TMEM182: variants seen among roughly 807,000 people sequenced by gnomAD.
TMEM182 encodes transmembrane protein 182.
Under a neutral mutation model 26.8 loss-of-function variants are expected in TMEM182, and 20 were observed. The observed-to-expected ratio is 0.75, with a 90% CI of 0.53 to 1.09. TMEM182 has a LOEUF of 1.09. TMEM182 is among the 50% of genes least tolerant of loss of function. The pLI is 0.00. For missense variants in TMEM182, 277 were observed against 275.5 expected (o/e 1.01, Z -0.04); for synonymous variants, 109 against 102.2 (o/e 1.07, Z -0.40).
intron 3 of TMEM182, among the ~76,000 whole-genome samples, chr2:102,786,418 T>C (rs1427660007): frequency 6.6e-6 from 1 of 152,134 alleles, no homozygotes; most frequent in Admixed American, 6.5e-5. Flanking sequence ...TTTCACCATC[T>C]TGGTCAGGCT....
chr2:102,789,861 C>G (rs1259197098), intron 3 of TMEM182, among the ~76,000 whole-genome samples: 1 of 152,092 alleles, frequency 6.6e-6, no homozygotes, highest in Non-Finnish European at 1.5e-5. Flanking sequence ...GTGGCAGCCG[C>G]AGGGAGCAGC....
At chr2:102,780,289 A>G (rs909577314) in intron 3 of TMEM182, among the ~76,000 whole-genome samples, 2 of 152,124 alleles carry the variant, frequency 1.3e-5, no homozygotes, top group Non-Finnish European at 2.9e-5. Context: ...TACCCCAGTG[A>G]AGGAAGGAGT....
intron 3 of TMEM182, among the ~76,000 whole-genome samples, chr2:102,786,318 G>A (rs999426185): frequency 3.4e-5 from 5 of 146,734 alleles, no homozygotes; most frequent in African/African-American, 1.3e-4. Context: ...GGGTTCAAGT[G>A]ATTCTCCTGC....
At chr2:102,818,453 A>G (rs1682821950), downstream of TMEM182, among the ~76,000 whole-genome samples, 1 of 152,196 alleles carries the variant, frequency 6.6e-6, no homozygotes, top group South Asian at 2.1e-4. Flanking sequence ...CCAGTTACAG[A>G]TTAGACTTTC....
At chr2:102,802,675 A>C (rs1682193656) in intron 4 of TMEM182, among the ~76,000 whole-genome samples, 1 of 152,242 alleles carries the variant, frequency 6.6e-6, no homozygotes, top group South Asian at 2.1e-4. Context: ...ACATTGGCTT[A>C]TATGAAGAAA....
At chr2:102,838,477 G>C (rs1340918697) in intron 3 of TMEM182, among the ~76,000 whole-genome samples, 1 of 152,166 alleles carries the variant, frequency 6.6e-6, no homozygotes, top group Non-Finnish European at 1.5e-5. Flanking sequence ...AGGTGGTCAG[G>C]GAAGGCTCTT....
intron 1 of TMEM182, among the ~76,000 whole-genome samples, chr2:102,754,928 G>A (rs1679988010): frequency 6.6e-6 from 1 of 152,188 alleles, no homozygotes; most frequent in African/African-American, 2.4e-5. Flanking sequence ...TAGTCATCCA[G>A]CTATTGCTTA....
At chr2:102,834,691 C>T (rs1302365587) in intron 3 of TMEM182, among the ~76,000 whole-genome samples, 1 of 152,154 alleles carries the variant, frequency 6.6e-6, no homozygotes, top group Non-Finnish European at 1.5e-5. Context: ...TGGTCAGGCT[C>T]ACCACATATT....
chr2:102,827,150 C>G (rs1489904124), intron 3 of TMEM182, among the ~76,000 whole-genome samples: 1 of 152,178 alleles, frequency 6.6e-6, no homozygotes, highest in Non-Finnish European at 1.5e-5. Context: ...AGTGCAGCAT[C>G]GCCAGGCACC....
At chr2:102,749,455 A>G (rs1679811960) in intron 1 of TMEM182, among the ~76,000 whole-genome samples, 1 of 152,212 alleles carries the variant, frequency 6.6e-6, no homozygotes, top group Non-Finnish European at 1.5e-5. Flanking sequence ...GAGTGACTGC[A>G]AATAGGCAAT....
chr2:102,788,581 C>CA (rs1681499041), intron 3 of TMEM182, among the ~76,000 whole-genome samples: 2 of 151,914 alleles, frequency 1.3e-5, no homozygotes, highest in Non-Finnish European at 2.9e-5. Flanking sequence ...GCAAAGCCAC[C>CA]CTTCCTGGTA....
chr2:102,748,110 A>T (rs984216588), intron 1 of TMEM182, among the ~76,000 whole-genome samples: 1 of 152,230 alleles, frequency 6.6e-6, no homozygotes, highest in Non-Finnish European at 1.5e-5. Flanking sequence ...TGAGAGATGG[A>T]TAAGCCCCAT....
intron 1 of TMEM182, among the ~76,000 whole-genome samples, chr2:102,753,660 C>T (rs1335265371): frequency 6.6e-6 from 1 of 152,166 alleles, no homozygotes; most frequent in African/African-American, 2.4e-5. Flanking sequence ...CATAAACCAC[C>T]ATGCTCAGCC....
In TMEM182 at chr2:102,815,211, G is replaced by T; in HGVS notation, c.*243G>T. 5 of 1,304,718 alleles carry T rather than the reference G, an allele frequency of 3.8e-6. No homozygotes were observed. In the South Asian group the frequency reaches 5.3e-5, roughly 14 times the overall value. 80.8% of individuals were successfully genotyped at this position (1,304,718 alleles called of 1,614,324 possible). On this transcript the variant is annotated 3_prime_UTR_variant, in exon 5 of 5. Transcript: ENST00000412401. Reference sequence around the variant, plus strand: ...AGTTCTTTAGGGAATAGGTAAACAGGTCTCCCTTTCATTGAACATGTTAGA... The same window carrying T: ...AGTTCTTTAGGGAATAGGTAAACAGTTCTCCCTTTCATTGAACATGTTAGA...
In TMEM182 at chr2:102,762,605, C is replaced by T. The variant is rs1680259106; in HGVS notation, c.151C>T (p.His51Tyr). The T allele has an allele frequency of 6.2e-7, 1 of 1,613,582 alleles. No individual in the cohort carries two copies. The highest frequency in any genetic ancestry group is 1.1e-5 in the South Asian group (1 of 91,010). Residue 51 changes from histidine (H) to tyrosine (Y), a missense_variant, in exon 2 of 5, where the codon CAC becomes TAC. Transcript: ENST00000412401. The part of the protein sequence containing the change: ...GEKNIENVTF[H>Y]HEGFFWRCWF... ...TGTGCAGATAGAGAACGTCACTTTT[C>T]ACCATGAAGGGTTCTTCTGGAGGTG...
chr2:102,825,948 GAGA>G (rs1469311875), intron 3 of TMEM182, among the ~76,000 whole-genome samples: 2 of 152,218 alleles, frequency 1.3e-5, no homozygotes, highest in African/African-American at 2.4e-5. Context: ...TAATAGCAGA[GAGA>G]AGATGTTTTG....
Position 102,816,614 on chromosome 2 carries a change from C to T in TMEM182, c.*1646C>T. On this transcript the variant is annotated 3_prime_UTR_variant, in exon 5 of 5. Coordinates refer to ENST00000412401, the MANE Select transcript of TMEM182 (RefSeq NM_144632.5). ...ATATCATTGAAACGTTTTTGTGGTA[C>T]TTCCCTTTGTCTTTCACTGTTTCAT... The T allele has an allele frequency of 7.1e-6, 7 of 985,264 alleles. No homozygotes were observed. The highest frequency in any genetic ancestry group is 8.4e-6 in the Non-Finnish European group (7 of 829,836). 61.0% of individuals were successfully genotyped at this position (985,264 alleles called of 1,614,324 possible). A position where few individuals can be genotyped will look rare whatever the true frequency, so the allele number is the denominator to read the frequency against.
chr2:102,747,094 C>A (rs1263642833), intron 1 of TMEM182, among the ~76,000 whole-genome samples: 1 of 152,216 alleles, frequency 6.6e-6, no homozygotes, highest in African/African-American at 2.4e-5. Context: ...GTTCCTCACA[C>A]GGTCACCCTG....
intron 3 of TMEM182, among the ~76,000 whole-genome samples, chr2:102,769,073 C>A (rs1326497907): frequency 1.3e-5 from 2 of 152,126 alleles, no homozygotes; most frequent in Non-Finnish European, 2.9e-5. Flanking sequence ...GCTCTTTCAT[C>A]CTCAGAAAAG....
Sources: gnomAD v4.1 joint callset for allele counts (sites outside exome capture counted in the v4.1 genomes callset) on GRCh38, gnomAD v4.1.1 for gene constraint, MANE v1.5 for transcripts, NCBI Gene and HGNC (gene_info 2026-07-23, HGNC 2026-07-21) for gene names.